Variants in SPATA3 observed in about 807,000 individuals in gnomAD.
The protein encoded by SPATA3 is spermatogenesis associated 3, also known as spermatogenesis-associated protein 3.
A neutral mutation model predicts 5.7 loss-of-function variants in SPATA3; 6 were observed. That is an observed-to-expected ratio of 1.06 (90% CI 0.58 to 2.09). The LOEUF (loss-of-function observed/expected upper bound fraction) is 2.09. Among genes scored for constraint, SPATA3 ranks in the 30% most tolerant of loss-of-function variants. SPATA3 has a pLI of 0.00. For synonymous variants in SPATA3, 44 were observed against 48.4 expected (o/e 0.91, Z 0.37); for missense variants, 155 against 130.4 (o/e 1.19, Z -0.92).
downstream of SPATA3, among the ~76,000 whole-genome samples, chr2:231,006,201 G>GA (rs34214730): frequency 1.3e-4 from 14 of 104,024 alleles, no homozygotes; most frequent in Admixed American, 2.1e-4. Flanking sequence ...CCTGTCTCAA[G>GA]AAAAAAAAAA....
chr2:231,014,858 A>T (rs1692886969), intron 6 of SPATA3, among the ~76,000 whole-genome samples: 1 of 152,156 alleles, frequency 6.6e-6, no homozygotes, highest in Non-Finnish European at 1.5e-5. Context: ...GGGCTCTTGT[A>T]ATGGGGGTCA....
chr2:231,015,411 G>A (rs1364635796), intron 6 of SPATA3, among the ~76,000 whole-genome samples: 1 of 152,028 alleles, frequency 6.6e-6, no homozygotes, highest in Non-Finnish European at 1.5e-5. Context: ...GCCAACGCAG[G>A]GAATTAGGGG....
chr2:230,996,996 C>T (rs537123275), intron 1 of SPATA3, among the ~76,000 whole-genome samples: 2 of 152,290 alleles, frequency 1.3e-5, no homozygotes, highest in African/African-American at 4.8e-5. Context: ...TGAGAAGGAT[C>T]AGGGAGACCA....
chr2:231,006,640 C>G (rs11674495), downstream of SPATA3: 2 of 151,982 alleles, frequency 1.3e-5, no homozygotes, highest in Non-Finnish European at 2.9e-5. Context: ...GGAGGTGCAT[C>G]GTGGGGGTAC....
At chr2:231,005,419 C>T, downstream of SPATA3, among the ~76,000 whole-genome samples, 1 of 107,192 alleles carries the variant, frequency 9.3e-6, no homozygotes, top group Non-Finnish European at 2.0e-5. Context: ...GTATCAGCAT[C>T]ATCACCACCA....
chr2:231,003,033 C>T (rs142846608), downstream of SPATA3, among the ~76,000 whole-genome samples: 1,331 of 152,250 alleles, frequency 8.7e-3, 24 homozygotes, highest in African/African-American at 0.03. Flanking sequence ...CCTCCTCTGC[C>T]CCGGGATGGT....
downstream of SPATA3, among the ~76,000 whole-genome samples, chr2:231,005,187 TCACCATCTTCACCATCACCATCATCAC>T (rs1692524536): frequency 6.8e-5 from 2 of 29,548 alleles, no homozygotes; most frequent in Non-Finnish European, 7.1e-5. Context: ...ATCATCACCA[TCACCATCTTCACCATCACCATCATCAC>T]CACCATCATC....
intron 5 of SPATA3, among the ~76,000 whole-genome samples, chr2:231,013,114 C>A (rs142605612): frequency 6.6e-6 from 1 of 152,182 alleles, no homozygotes; most frequent in South Asian, 2.1e-4. Flanking sequence ...CTTCTGTCCT[C>A]AGACTTACCC....
chr2:231,012,219 G>A (rs1224031363), downstream of SPATA3, among the ~76,000 whole-genome samples: 7 of 152,294 alleles, frequency 4.6e-5, no homozygotes, highest in Admixed American at 2.6e-4. Context: ...GAGGGGCCTC[G>A]AGGTTGAGAA....
chr2:231,013,559 C>T (rs1342980148), intron 5 of SPATA3, among the ~76,000 whole-genome samples: 1 of 151,750 alleles, frequency 6.6e-6, no homozygotes, highest in African/African-American at 2.4e-5. Flanking sequence ...GGCACAACCT[C>T]GGCTCACCGC....
chr2:231,014,914 C>T (rs1012146380), intron 6 of SPATA3, among the ~76,000 whole-genome samples: 16 of 152,216 alleles, frequency 1.1e-4, no homozygotes, highest in African/African-American at 3.6e-4. Context: ...CTTCTCAAGG[C>T]TCTCTCTGCC....
At chr2:231,017,825 A>C (rs1025813544) in intron 6 of SPATA3, among the ~76,000 whole-genome samples, 1 of 152,156 alleles carries the variant, frequency 6.6e-6, no homozygotes, top group African/African-American at 2.4e-5. Flanking sequence ...TAAATTGTGG[A>C]TGCAAACAGG....
At chr2:231,012,324 T>C (rs1055421052) in intron 4 of SPATA3, among the ~76,000 whole-genome samples, 29 of 152,302 alleles carry the variant, frequency 1.9e-4, no homozygotes, top group African/African-American at 5.8e-4. Context: ...TTGTCTCCCA[T>C]TGGGGTCAGG....
chr2:231,018,869 A>G (rs1574679820), intron 6 of SPATA3, among the ~76,000 whole-genome samples: 1 of 151,786 alleles, frequency 6.6e-6, no homozygotes. Flanking sequence ...TATTTTTAGT[A>G]GAGATGGAGT....
At chr2:231,019,381 T>G (rs914474784) in intron 6 of SPATA3, among the ~76,000 whole-genome samples, 6 of 150,258 alleles carry the variant, frequency 4.0e-5, no homozygotes, top group Non-Finnish European at 8.9e-5. Context: ...TGGAGTGCAG[T>G]GGTGCGATCT....
intron 1 of SPATA3, among the ~76,000 whole-genome samples, chr2:230,998,715 G>T (rs1273292499): frequency 5.9e-5 from 9 of 152,192 alleles, no homozygotes; most frequent in African/African-American, 1.9e-4. Context: ...TAATCAGAAG[G>T]ATGGACAATA....
At chr2:231,004,306 G>A (rs1364746978), downstream of SPATA3, among the ~76,000 whole-genome samples, 1 of 152,180 alleles carries the variant, frequency 6.6e-6, no homozygotes, top group African/African-American at 2.4e-5. Context: ...TGAGCCTGTT[G>A]GGAGAGGTGA....
downstream of SPATA3, among the ~76,000 whole-genome samples, chr2:231,006,297 C>A (rs1172784955): frequency 6.7e-6 from 1 of 150,080 alleles, no homozygotes; most frequent in Non-Finnish European, 1.5e-5. Context: ...GTCAGGAGAT[C>A]AAGACCATCC....
chr2:231,013,218 G>A (rs573630942), intron 5 of SPATA3, among the ~76,000 whole-genome samples: 19 of 151,860 alleles, frequency 1.3e-4, no homozygotes, highest in Non-Finnish European at 2.1e-4. Context: ...CTTCCCCCAA[G>A]GCAATGACTG....
Sources: allele counts gnomAD v4.1 joint callset (sites outside exome capture counted in the v4.1 genomes callset), GRCh38; gene constraint gnomAD v4.1.1; transcripts MANE v1.5; gene names NCBI Gene and HGNC (gene_info 2026-07-23, HGNC 2026-07-21).